Variants in SLC41A3 observed in about 807,000 individuals in gnomAD.
SLC41A3 encodes solute carrier family 41 member 3.
In SLC41A3, 44 loss-of-function variants were observed where a neutral mutation model predicts 45.4. That is an observed-to-expected ratio of 0.97 (90% confidence interval 0.76 to 1.25). The LOEUF is 1.25. Ranked by LOEUF, SLC41A3 falls within the 50% of genes most tolerant of loss-of-function variation. The pLI is 0.00. For missense variants in SLC41A3, 550 were observed against 600.6 expected (o/e 0.92, Z 0.88); for synonymous variants, 256 against 252.4 (o/e 1.01, Z -0.13).
intron 6 of SLC41A3, among the ~76,000 whole-genome samples, chr3:126,018,987 A>G (rs1362965354): frequency 1.3e-5 from 2 of 152,214 alleles, no homozygotes; most frequent in Admixed American, 6.5e-5. Context: ...TGAAGGTCAC[A>G]GTGTCTTAGT....
intron 4 of SLC41A3, among the ~76,000 whole-genome samples, chr3:126,028,906 C>G (rs776326199): frequency 6.6e-5 from 10 of 152,370 alleles, no homozygotes; most frequent in Non-Finnish European, 8.8e-5. Context: ...AGTTTCAATT[C>G]TGCATGACGC....
intron 1 of SLC41A3, among the ~76,000 whole-genome samples, chr3:126,078,630 T>C (rs1025808075): frequency 6.6e-6 from 1 of 152,058 alleles, no homozygotes; most frequent in African/African-American, 2.4e-5. Context: ...TGCCTTTACC[T>C]CCTTTAATCC....
chr3:126,045,280 A>G (rs1942887086), intron 3 of SLC41A3, among the ~76,000 whole-genome samples: 1 of 151,932 alleles, frequency 6.6e-6, no homozygotes, highest in South Asian at 2.1e-4. Flanking sequence ...AATAAAGATT[A>G]TAGCAGGGAT....
intron 3 of SLC41A3, 166 bp downstream of exon 3, chr3:126,050,777 T>C: frequency 8.1e-7 from 1 of 1,238,014 alleles, no homozygotes; most frequent in African/African-American, 1.5e-5. Flanking sequence ...AGCCAAGGCA[T>C]TGGGCTGGGA....
intron 4 of SLC41A3, among the ~76,000 whole-genome samples, chr3:126,030,090 T>TA (rs1941682151): frequency 6.8e-6 from 1 of 146,706 alleles, no homozygotes. Context: ...ATAAATATAA[T>TA]ACATATGTAA....
At chr3:126,051,083 C>T in intron 2 of SLC41A3, 33 bp from the exon 3 acceptor site, 4 of 1,542,816 alleles carry the variant, frequency 2.6e-6, no homozygotes, top group African/African-American at 1.4e-5. Context: ...ATAAGCCAAA[C>T]ACACACATCA....
rs189205389 is a variant in SLC41A3 at position 126,083,171 on chromosome 3, G to C, written c.-28+922C>G. On this transcript the variant is annotated intron_variant, in intron 1 of 10. Transcript: ENST00000360370. The stretch of plus-strand genomic sequence containing the variant: ...AAAGCCCTAAGGTTTCAGATCAATG[G>C]TCAGAACCACGAGGAGGACCTGCTA... Among the ~76,000 whole-genome samples, 15 of 152,290 alleles carry C rather than the reference G, an allele frequency of 9.8e-5. No individual in the cohort carries two copies. In the East Asian group the frequency reaches 2.9e-3, roughly 29 times the overall value.
chr3:126,063,092 G>A (rs2107989079), intron 2 of SLC41A3, among the ~76,000 whole-genome samples: 1 of 152,296 alleles, frequency 6.6e-6, no homozygotes, highest in Non-Finnish European at 1.5e-5. Context: ...TGGAAGCATA[G>A]GTTCTCACAG....
intron 1 of SLC41A3, among the ~76,000 whole-genome samples, chr3:126,071,772 C>CTTT (rs59182198): frequency 3.5e-5 from 5 of 142,972 alleles, no homozygotes; most frequent in East Asian, 2.0e-4. Context: ...AATTAAACAA[C>CTTT]TTTTTTTTTT....
intron 3 of SLC41A3, among the ~76,000 whole-genome samples, chr3:126,046,571 C>G (rs1473048658): frequency 6.6e-6 from 1 of 152,100 alleles, no homozygotes; most frequent in Non-Finnish European, 1.5e-5. Flanking sequence ...GACTAGTACA[C>G]TAAAAACCAC....
chr3:126,058,601 C>T (rs1008638799), intron 2 of SLC41A3, among the ~76,000 whole-genome samples: 6 of 152,234 alleles, frequency 3.9e-5, no homozygotes, highest in Admixed American at 6.5e-5. Flanking sequence ...GCCTTCACCA[C>T]GGCCCTTTGT....
intron 4 of SLC41A3, among the ~76,000 whole-genome samples, chr3:126,030,968 T>C (rs949772945): frequency 2.0e-5 from 3 of 152,196 alleles, no homozygotes; most frequent in East Asian, 1.9e-4. Context: ...ATTTGTGTAT[T>C]TGTACAAAGC....
intron 1 of SLC41A3, among the ~76,000 whole-genome samples, chr3:126,080,312 T>G (rs1239828779): frequency 6.6e-6 from 1 of 152,046 alleles, no homozygotes; most frequent in South Asian, 2.1e-4. Context: ...ACCACTCATC[T>G]CACAAGGGAT....
chr3:126,060,431 GAGA>G (rs1454499471), intron 2 of SLC41A3, among the ~76,000 whole-genome samples: 4 of 37,246 alleles, frequency 1.1e-4, no homozygotes, highest in Admixed American at 3.2e-4. Flanking sequence ...AAAAAAAAGT[GAGA>G]AGGATACACA....
intron 2 of SLC41A3, among the ~76,000 whole-genome samples, chr3:126,056,011 C>G (rs6438963): frequency 0.66 from 100,131 of 151,984 alleles, 33,241 homozygotes; most frequent in Middle Eastern, 0.72. Context: ...CAAGGCAGAA[C>G]AGTGTGACTA....
chr3:126,079,648 A>G (rs1207038872), intron 1 of SLC41A3, among the ~76,000 whole-genome samples: 1 of 152,238 alleles, frequency 6.6e-6, no homozygotes, highest in Non-Finnish European at 1.5e-5. Context: ...AATGAAAATG[A>G]CAATTTTACC....
chr3:126,073,918 AAT>A (rs1398561967), intron 1 of SLC41A3, among the ~76,000 whole-genome samples: 3 of 152,338 alleles, frequency 2.0e-5, no homozygotes, highest in South Asian at 4.1e-4. Context: ...GTGTGTTATG[AAT>A]ACAGACACAA....
chr3:126,090,028 C>CTTTT (rs59737864), intron 1 of SLC41A3, among the ~76,000 whole-genome samples: 21 of 99,308 alleles, frequency 2.1e-4, no homozygotes, highest in East Asian at 6.6e-4. Flanking sequence ...TCAAGAAAAT[C>CTTTT]TTTTTTTTTT....
At chr3:126,040,407 T>G (rs1042075283) in intron 3 of SLC41A3, among the ~76,000 whole-genome samples, 11 of 152,046 alleles carry the variant, frequency 7.2e-5, no homozygotes, top group African/African-American at 2.4e-4. Context: ...AGTGACAAAT[T>G]GGGTTGACGA....
Sources: allele counts gnomAD v4.1 joint callset (sites outside exome capture counted in the v4.1 genomes callset), GRCh38; gene constraint gnomAD v4.1.1; transcripts MANE v1.5; gene names NCBI Gene and HGNC (gene_info 2026-07-23, HGNC 2026-07-21).